The following EIPR1 variants were observed in gnomAD, a reference collection of about 807,000 sequenced individuals.
EIPR1 encodes EARP complex and GARP complex interacting protein 1.
Under a neutral mutation model 48.1 loss-of-function variants are expected in EIPR1, and 25 were observed. That is an observed-to-expected ratio of 0.52 (90% CI 0.38 to 0.73). The LOEUF is 0.73. Among genes scored for constraint, EIPR1 ranks in the 30% least tolerant of loss-of-function variants. The probability of loss-of-function intolerance (pLI) is 0.00; values close to 1 mark genes in which losing one functional copy is unlikely to be tolerated. For missense variants in EIPR1, 415 were observed against 506.2 expected (o/e 0.82, Z 1.73); for synonymous variants, 204 against 201.9 (o/e 1.01, Z -0.09).
intron 3 of EIPR1, among the ~76,000 whole-genome samples, chr2:3,334,785 T>C (rs1191205963): frequency 6.6e-6 from 1 of 152,254 alleles, no homozygotes; most frequent in East Asian, 1.9e-4. Context: ...TGTGGAACAA[T>C]TTCGTCTTTC....
intron 1 of EIPR1, among the ~76,000 whole-genome samples, chr2:3,367,220 G>A (rs766042689): frequency 5.3e-5 from 8 of 152,222 alleles, no homozygotes; most frequent in Non-Finnish European, 1.0e-4. Flanking sequence ...AATCCACGAG[G>A]GCTGGGATTT....
At chr2:3,222,503 A>G (rs1398469409) in intron 4 of EIPR1, among the ~76,000 whole-genome samples, 1 of 143,410 alleles carries the variant, frequency 7.0e-6, no homozygotes, top group Non-Finnish European at 1.5e-5. Flanking sequence ...TAAAGACTAC[A>G]GGAGGTAATA....
At chr2:3,295,174 C>T (rs1408143205) in intron 3 of EIPR1, among the ~76,000 whole-genome samples, 3 of 148,054 alleles carry the variant, frequency 2.0e-5, no homozygotes, top group African/African-American at 7.5e-5. Flanking sequence ...CACACACACC[C>T]TCCATATAGC....
intron 5 of EIPR1, among the ~76,000 whole-genome samples, chr2:3,206,493 A>G (rs1187293076): frequency 6.6e-6 from 1 of 152,254 alleles, no homozygotes; most frequent in Non-Finnish European, 1.5e-5. Context: ...TTCCTGTATC[A>G]GAAAATGTAC....
At chr2:3,296,464 A>G (rs572004977) in intron 3 of EIPR1, among the ~76,000 whole-genome samples, 35 of 136,274 alleles carry the variant, frequency 2.6e-4, no homozygotes, top group Admixed American at 2.4e-3. Context: ...CTCTCCACAC[A>G]CACACCCTCC....
rs1386463114 is a variant in EIPR1 at position 3,189,747 on chromosome 2, T to C, written c.990-239A>G. On this transcript the variant is annotated intron_variant, in intron 8 of 8. Coordinates refer to ENST00000382125, the MANE Select transcript of EIPR1 (RefSeq NM_003310.5). This position sits in a 1 kb window ranked among gnomAD's most constrained non-coding sequence, Gnocchi z 4.6. ...GAGTGGGCATTTCTCAAAAGGTTTA[T>C]GGAAATCGGCGACATTGGCACATGG... is the stretch of plus-strand genomic sequence containing the variant. 1.3e-5 allele frequency among the ~76,000 whole-genome samples: 2 copies of C among 152,202 alleles called. No individual in the cohort carries two copies. Among genetic ancestry groups the C allele is most frequent in the Non-Finnish European group, 2.9e-5 (2 of 68,032 alleles).
chr2:3,303,615 G>A (rs975267638), intron 3 of EIPR1, among the ~76,000 whole-genome samples: 6 of 152,214 alleles, frequency 3.9e-5, no homozygotes, highest in Admixed American at 1.3e-4. Context: ...TGGGAAATGC[G>A]ACTAATAACC....
intron 4 of EIPR1, among the ~76,000 whole-genome samples, chr2:3,252,452 G>A (rs906611840): frequency 4.6e-5 from 7 of 152,152 alleles, no homozygotes; most frequent in African/African-American, 1.2e-4. Flanking sequence ...TTAGCCAGGC[G>A]TGGTGGTGGG....
At chr2:3,294,960 A>C (rs867325852) in intron 3 of EIPR1, among the ~76,000 whole-genome samples, 13 of 47,720 alleles carry the variant, frequency 2.7e-4, no homozygotes, top group Middle Eastern at 0.017. Flanking sequence ...ACACACACAC[A>C]CCCTCCATCC....
intron 3 of EIPR1, among the ~76,000 whole-genome samples, chr2:3,332,348 C>G (rs553292585): frequency 6.6e-6 from 1 of 152,300 alleles, no homozygotes; most frequent in East Asian, 1.9e-4. Context: ...CTGGAAGTAC[C>G]CGGCAGCTCC....
chr2:3,354,076 C>G (rs984160742), intron 2 of EIPR1, among the ~76,000 whole-genome samples: 3 of 152,214 alleles, frequency 2.0e-5, no homozygotes, highest in African/African-American at 7.2e-5. Context: ...GTGTCCGCTA[C>G]AGTGACCAGA....
Position 3,194,151 on chromosome 2 carries a change from T to A in EIPR1, c.669A>T (p.Ile223=). 2.5e-6 allele frequency: 4 copies of A among 1,613,828 alleles called. No individual in the cohort carries two copies. The highest frequency in any genetic ancestry group is 3.4e-6 in the Non-Finnish European group (4 of 1,179,966). ...DTRSMSQIYC[I]ENAHGQLVRD... Reference sequence around the variant, plus strand: ...GCACCAGCTGTCCGTGGGCATTCTCTATGCAGTAGATCTGGCTGAGGGAGA... The same window carrying A: ...GCACCAGCTGTCCGTGGGCATTCTCAATGCAGTAGATCTGGCTGAGGGAGA... The change falls in exon 7 of 9, where the codon ATA becomes ATT. Residue 223 remains isoleucine, a synonymous_variant. Coordinates refer to ENST00000382125, the MANE Select transcript of EIPR1 (RefSeq NM_003310.5).
At chr2:3,305,252 C>A (rs1365444201) in intron 3 of EIPR1, among the ~76,000 whole-genome samples, 1 of 148,214 alleles carries the variant, frequency 6.7e-6, no homozygotes, top group Non-Finnish European at 1.5e-5. Flanking sequence ...CCTTCCACTC[C>A]CGTACAGTTC....
chr2:3,358,090 T>A (rs928347744), intron 1 of EIPR1, among the ~76,000 whole-genome samples: 2 of 151,936 alleles, frequency 1.3e-5, no homozygotes, highest in African/African-American at 4.8e-5. Flanking sequence ...CATGCCCCCT[T>A]CCCATACGGA....
Position 3,193,997 on chromosome 2 carries a change from A to G in EIPR1, c.821+2T>C. On this transcript the variant is annotated splice_donor_variant, in intron 7 of 8. Coordinates refer to ENST00000382125, the MANE Select transcript of EIPR1 (RefSeq NM_003310.5). LOFTEE classifies it high-confidence loss of function. ...CCCTGAAGCAGCCAGGAGCGGCCCT[A>G]CCAGTGGGAGTGCTCCTCCAGGGTC... is the stretch of plus-strand genomic sequence containing the variant. 1 of 1,613,488 alleles carries G rather than the reference A, an allele frequency of 6.2e-7. No homozygotes were observed. Among genetic ancestry groups the G allele is most frequent in the Non-Finnish European group, 8.5e-7 (1 of 1,179,944 alleles).
chr2:3,361,996 C>A (rs532905911), intron 1 of EIPR1, among the ~76,000 whole-genome samples: 24 of 152,386 alleles, frequency 1.6e-4, no homozygotes, highest in African/African-American at 5.5e-4. Context: ...TCCTCTTTGG[C>A]ATGCTCCCTT....
At chr2:3,371,978 G>A (rs1671127614) in intron 1 of EIPR1, among the ~76,000 whole-genome samples, 1 of 152,008 alleles carries the variant, frequency 6.6e-6, no homozygotes, top group Non-Finnish European at 1.5e-5. Flanking sequence ...CCACATAGTT[G>A]GAAGTAAAGC....
intron 4 of EIPR1, among the ~76,000 whole-genome samples, chr2:3,235,184 T>A (rs560061139): frequency 2.0e-5 from 3 of 152,360 alleles, no homozygotes; most frequent in Admixed American, 2.0e-4. Flanking sequence ...TTACCTGTTA[T>A]TCACTCACTA....
chr2:3,302,363 TA>T (rs1668787387), intron 3 of EIPR1, among the ~76,000 whole-genome samples: 1 of 152,130 alleles, frequency 6.6e-6, no homozygotes, highest in South Asian at 2.1e-4. Context: ...AATTAAAATT[TA>T]AATTTAAATA....
Sources: gnomAD v4.1 joint callset for allele counts (sites outside exome capture counted in the v4.1 genomes callset) on GRCh38, gnomAD v4.1.1 for gene constraint, Gnocchi (gnomAD v3.1) non-coding constraint, MANE v1.5 for transcripts, NCBI Gene and HGNC (gene_info 2026-07-23, HGNC 2026-07-21) for gene names.